Variants in CSMD3 observed in about 807,000 individuals in gnomAD.
CSMD3 encodes CUB and sushi domain-containing protein 3.
Under a neutral mutation model 435.2 loss-of-function variants are expected in CSMD3, and 177 were observed. The ratio of observed to expected loss-of-function variants is 0.41; its 90% CI spans 0.36 to 0.46. CSMD3 has a LOEUF of 0.46. Among genes scored for constraint, CSMD3 ranks in the 20% least tolerant of loss-of-function variants. The pLI is 0.34. For synonymous variants in CSMD3, 1,656 were observed against 1,520.5 expected, an observed-to-expected ratio of 1.09 and a Z score of -2.07; for missense variants, 4,265 against 4,504.6, an observed-to-expected ratio of 0.95 and a Z score of 1.52.
intron 30 of CSMD3, among the ~76,000 whole-genome samples, chr8:112,498,606 T>C (rs1257137573): frequency 1.3e-5 from 2 of 152,156 alleles, no homozygotes; most frequent in African/African-American, 4.8e-5. Context: ...GCTAGTGAGA[T>C]ACTCTTGCTG....
At chr8:112,885,852 G>A (rs2081574629) in intron 10 of CSMD3, among the ~76,000 whole-genome samples, 1 of 151,632 alleles carries the variant, frequency 6.6e-6, no homozygotes, top group Non-Finnish European at 1.5e-5. Flanking sequence ...TTCACTATCT[G>A]TTCATCATCC....
intron 51 of CSMD3, 34 bp from the exon 52 acceptor site, chr8:112,304,949 A>C (rs1233113788): frequency 6.7e-7 from 1 of 1,495,320 alleles, no homozygotes; most frequent in Non-Finnish European, 9.3e-7. Flanking sequence ...ATTGCTAACA[A>C]ATCACTATAT....
At chr8:112,649,814 G>A (rs969294233) in intron 19 of CSMD3, among the ~76,000 whole-genome samples, 4 of 152,130 alleles carry the variant, frequency 2.6e-5, no homozygotes, top group African/African-American at 9.7e-5. Flanking sequence ...GGAAACAAAT[G>A]CTGCATTTTT....
Position 112,573,507 on chromosome 8 carries a change from A to G in CSMD3, c.4036T>C (p.Tyr1346His), listed in dbSNP as rs763295155. 6.2e-6 allele frequency: 10 copies of G among 1,613,040 alleles called. No homozygotes were observed. The highest frequency in any genetic ancestry group is 1.1e-5 in the South Asian group (1 of 91,072). ...ACTCTTCTAAAATACTTACTGGTAT[A>G]CACAAGTTGAAAGCCTTCATCTGTC... ...EGTDEGFQLV[Y>H]TSFELSHCED... The change falls in exon 24 of 71, where the codon TAT becomes CAT. Residue 1346 changes from tyrosine (Y) to histidine (H), a missense_variant. By Grantham distance (83) the Tyr-to-His change is moderately conservative. Around this residue, in one of 3 missense-constraint regions of CSMD3, gnomAD observed 3,255 missense variants for 3,380.2 expected, o/e 0.96. Transcript: ENST00000297405.
chr8:112,623,952 A>G (rs1487473031), intron 22 of CSMD3, among the ~76,000 whole-genome samples: 1 of 152,038 alleles, frequency 6.6e-6, no homozygotes, highest in South Asian at 2.1e-4. Context: ...AGTATCCCAA[A>G]TCTAGATGTT....
rs187041879 is a variant in CSMD3 at position 113,179,988 on chromosome 8, G to A, written c.515-6072C>T. On this transcript the variant is annotated intron_variant, in intron 3 of 70. Transcript: ENST00000297405. ...AAATGGGAATGAAAAATTTAAAAAA[G>A]GGATAACAGACATCTTGACTACAGA... Among the ~76,000 whole-genome samples the A allele has an allele frequency of 3.3e-3, 499 of 151,890 alleles. 3 individuals carry two copies. The highest frequency in any genetic ancestry group is 0.01 in the African/African-American group (426 of 41,492).
chr8:112,968,911 A>G (rs2084530335), intron 7 of CSMD3, among the ~76,000 whole-genome samples: 1 of 151,984 alleles, frequency 6.6e-6, no homozygotes, highest in Non-Finnish European at 1.5e-5. Flanking sequence ...TAAAAACAAC[A>G]TATTTTAGAT....
chr8:112,536,958 G>T (rs557849713), intron 27 of CSMD3, among the ~76,000 whole-genome samples: 8 of 152,062 alleles, frequency 5.3e-5, no homozygotes, highest in African/African-American at 1.9e-4. Flanking sequence ...TCGTAGGTGG[G>T]AATTGAACAA....
chr8:113,246,335 C>G (rs974170417), intron 3 of CSMD3, among the ~76,000 whole-genome samples: 17 of 151,864 alleles, frequency 1.1e-4, no homozygotes, highest in Non-Finnish European at 2.1e-4. Context: ...TTTTTACTGC[C>G]AACTCAAACC....
intron 10 of CSMD3, among the ~76,000 whole-genome samples, chr8:112,879,216 T>A (rs1587556422): frequency 6.6e-6 from 1 of 152,186 alleles, no homozygotes; most frequent in Middle Eastern, 3.4e-3. Flanking sequence ...AAGAATACAT[T>A]CCCAGGAGGA....
chr8:113,150,042 T>C (rs970181243), intron 4 of CSMD3, among the ~76,000 whole-genome samples: 1 of 151,858 alleles, frequency 6.6e-6, no homozygotes, highest in Admixed American at 6.6e-5. Context: ...GGAGATTCAT[T>C]CATTCAACTA....
At chr8:112,910,230 G>C (rs2082370305) in intron 10 of CSMD3, among the ~76,000 whole-genome samples, 1 of 151,692 alleles carries the variant, frequency 6.6e-6, no homozygotes, top group Non-Finnish European at 1.5e-5. Flanking sequence ...CGTGCAGCCA[G>C]GGATGGGGAT....
intron 29 of CSMD3, among the ~76,000 whole-genome samples, chr8:112,504,752 C>T (rs1822330823): frequency 6.6e-6 from 1 of 151,938 alleles, no homozygotes; most frequent in Admixed American, 6.6e-5. Flanking sequence ...AACAATTGTC[C>T]CACAATGATC....
At chr8:112,513,691 T>TA (rs1374472993) in intron 28 of CSMD3, among the ~76,000 whole-genome samples, 4 of 152,090 alleles carry the variant, frequency 2.6e-5, no homozygotes, top group Admixed American at 1.3e-4. Context: ...CTTCAATTTG[T>TA]AAAAAAACGT....
chr8:112,230,680 T>C (rs1813001330), intron 69 of CSMD3, among the ~76,000 whole-genome samples: 1 of 151,936 alleles, frequency 6.6e-6, no homozygotes, highest in South Asian at 2.1e-4. Context: ...GTAGTGTGCA[T>C]GGTGGTCTGT....
Position 113,007,739 on chromosome 8 carries a change from T to A in CSMD3, c.1030+11328A>T, listed in dbSNP as rs142349770. Among the ~76,000 whole-genome samples the A allele has an allele frequency of 7.9e-3, 1,203 of 152,062 alleles. 20 individuals are homozygous for A. Among genetic ancestry groups the A allele is most frequent in the African/African-American group, 0.027 (1,128 of 41,538 alleles). On this transcript the variant is annotated intron_variant, in intron 6 of 70. Coordinates refer to ENST00000297405, the MANE Select transcript of CSMD3 (RefSeq NM_198123.2). ...CAAGCTGAAATGATTTATTTGAATT[T>A]GTCAGTATACCTAACTGGAAAAACT...
intron 6 of CSMD3, among the ~76,000 whole-genome samples, chr8:112,983,801 T>A (rs1250640863): frequency 6.6e-6 from 1 of 151,746 alleles, no homozygotes; most frequent in African/African-American, 2.4e-5. Context: ...GTAAAGAAGG[T>A]GTGGGTGGCT....
intron 1 of CSMD3, among the ~76,000 whole-genome samples, chr8:113,336,780 T>TA (rs532313252): frequency 3.1e-3 from 472 of 152,148 alleles, no homozygotes; most frequent in Non-Finnish European, 5.2e-3. Flanking sequence ...ATGAAGTGGG[T>TA]ATGAAAGTCC....
chr8:112,436,004 G>A (rs907617352), intron 32 of CSMD3, among the ~76,000 whole-genome samples: 1 of 151,846 alleles, frequency 6.6e-6, no homozygotes, highest in African/African-American at 2.4e-5. Flanking sequence ...AATACCAGAG[G>A]ATAAAGATAA....
Sources: gnomAD v4.1 joint callset for allele counts (sites outside exome capture counted in the v4.1 genomes callset) on GRCh38, gnomAD v4.1.1 for gene constraint, gnomAD v4.1.1 regional missense constraint, MANE v1.5 for transcripts, NCBI Gene and HGNC (gene_info 2026-07-23, HGNC 2026-07-21) for gene names.